The following MREG variants were observed in gnomAD, a reference collection of about 807,000 sequenced individuals.
MREG encodes the protein dilute suppressor protein homolog.
MREG carries 31 observed loss-of-function variants against 28.5 expected under a neutral mutation model. The ratio of observed to expected loss-of-function variants is 1.09; its 90% CI spans 0.82 to 1.47. The LOEUF (loss-of-function observed/expected upper bound fraction) is 1.47, where lower values mean the gene tolerates loss of function less well. MREG is among the 40% of genes most tolerant of loss of function. The pLI is 0.00. For synonymous variants in MREG, 106 were observed against 95.2 expected, an observed-to-expected ratio of 1.11 and a Z score of -0.66; for missense variants, 256 against 257.4, an observed-to-expected ratio of 0.99 and a Z score of 0.04.
chr2:216,028,735 A>G (rs540179806), intron 1 of MREG, among the ~76,000 whole-genome samples: 2 of 152,180 alleles, frequency 1.3e-5, no homozygotes, highest in South Asian at 2.1e-4. Flanking sequence ...TCGAATTTGT[A>G]TAGTGTTAAG....
intron 2 of MREG, among the ~76,000 whole-genome samples, chr2:215,953,402 G>A (rs1559174931): frequency 6.6e-6 from 1 of 152,202 alleles, no homozygotes; most frequent in Non-Finnish European, 1.5e-5. Context: ...AGAATCCCTT[G>A]AAGGGGTTCC....
chr2:215,981,377 C>G lies in MREG; in HGVS notation c.255+14929G>C, dbSNP rs182281957. Among the ~76,000 whole-genome samples the G allele has an allele frequency of 8.5e-5, 13 of 152,336 alleles. No individual in the cohort carries two copies. In the East Asian group the frequency reaches 2.3e-3, roughly 27 times the overall value. On this transcript the variant is annotated intron_variant, in intron 2 of 4. Transcript: ENST00000263268. Reference sequence around the variant, plus strand: ...CTGCAGTGTGAATGAACTTTGGAAACATTACGCTAAGTGAAGCAAGCTAGC... The same window carrying G: ...CTGCAGTGTGAATGAACTTTGGAAAGATTACGCTAAGTGAAGCAAGCTAGC...
At chr2:215,966,125 A>C (rs1692931228) in intron 2 of MREG, among the ~76,000 whole-genome samples, 1 of 152,194 alleles carries the variant, frequency 6.6e-6, no homozygotes, top group Non-Finnish European at 1.5e-5. Flanking sequence ...TAGTATTGTG[A>C]ATCAGAGGGA....
intron 3 of MREG, among the ~76,000 whole-genome samples, chr2:215,946,004 C>T (rs1259235439): frequency 6.6e-6 from 1 of 151,996 alleles, no homozygotes; most frequent in East Asian, 1.9e-4. Context: ...TGGTTGCTTG[C>T]CACCTTGTTT....
intron 2 of MREG, among the ~76,000 whole-genome samples, chr2:215,950,361 A>C (rs989674482): frequency 6.6e-6 from 1 of 152,326 alleles, no homozygotes; most frequent in African/African-American, 2.4e-5. Flanking sequence ...CTAAATATCT[A>C]CAATGAATGT....
intron 2 of MREG, among the ~76,000 whole-genome samples, chr2:215,990,131 A>G (rs1190411785): frequency 6.6e-5 from 10 of 152,238 alleles, no homozygotes; most frequent in Admixed American, 5.9e-4. Flanking sequence ...AAAAGATGTT[A>G]AGGGCAGCCA....
chr2:215,944,722 C>T lies in MREG; in HGVS notation c.*141G>A, dbSNP rs1374107894. 1.1e-6 allele frequency: 1 copy of T among 876,960 alleles called. No individual in the cohort carries two copies. The highest frequency in any genetic ancestry group is 1.7e-5 in the African/African-American group (1 of 60,020). 54.3% of individuals were successfully genotyped at this position (876,960 alleles called of 1,614,324 possible). ...TGGGGCAGGGTCCTCAGATTAAAGA[C>T]TTTACATTTATGTAGAATTCAGTAT... is the stretch of plus-strand genomic sequence containing the variant. On this transcript the variant is annotated 3_prime_UTR_variant, in exon 5 of 5. Transcript: ENST00000263268.
At chr2:215,971,096 C>G (rs573641387) in intron 2 of MREG, among the ~76,000 whole-genome samples, 2 of 151,964 alleles carry the variant, frequency 1.3e-5, no homozygotes, top group African/African-American at 2.4e-5. Flanking sequence ...TGAGAATACA[C>G]GAACATGGGG....
At chr2:216,031,671 GAA>G (rs746180419) in intron 1 of MREG, among the ~76,000 whole-genome samples, 2,375 of 78,844 alleles carry the variant, frequency 0.03, 73 homozygotes, top group African/African-American at 0.12. Flanking sequence ...AAGAAAGAAA[GAA>G]AGAAAGAAAG....
At chr2:215,980,900 CAGGGAAGGGCAGGGA>C (rs1157725677) in intron 2 of MREG, among the ~76,000 whole-genome samples, 5 of 134,166 alleles carry the variant, frequency 3.7e-5, no homozygotes, top group Admixed American at 2.3e-4. Context: ...CAGGGCAGGG[CAGGGAAGGGCAGGGA>C]AGGGAAGGGA....
chr2:215,980,865 G>GAGGGCAGGGCAGGGC (rs1247891694), intron 2 of MREG, among the ~76,000 whole-genome samples: 5 of 141,088 alleles, frequency 3.5e-5, no homozygotes, highest in South Asian at 2.5e-4. Flanking sequence ...GAGGGGAGGG[G>GAGGGCAGGGCAGGGC]AGGGCAGGGC....
At chr2:215,958,552 G>A (rs990038918) in intron 2 of MREG, among the ~76,000 whole-genome samples, 1 of 152,200 alleles carries the variant, frequency 6.6e-6, no homozygotes, top group African/African-American at 2.4e-5. Flanking sequence ...TGCCCTTAAT[G>A]AACTCCTTGA....
intron 1 of MREG, among the ~76,000 whole-genome samples, chr2:216,005,314 T>C (rs1217273721): frequency 6.6e-6 from 1 of 152,068 alleles, no homozygotes. Flanking sequence ...AAAACAAAAG[T>C]ACATCTTTAA....
intron 1 of MREG, among the ~76,000 whole-genome samples, chr2:216,019,375 G>A (rs910902316): frequency 3.9e-5 from 6 of 152,226 alleles, no homozygotes; most frequent in Middle Eastern, 3.4e-3. Flanking sequence ...ATTTAGTCAG[G>A]TGAGATTTTT....
chr2:216,015,158 T>TGC (rs1002309420), upstream of MREG, among the ~76,000 whole-genome samples: 5 of 67,388 alleles, frequency 7.4e-5, no homozygotes, highest in Non-Finnish European at 2.6e-5. Context: ...TGCGTACGTG[T>TGC]GCGCGCGCGC....
chr2:215,967,562 A>C (rs2105986412), intron 2 of MREG, among the ~76,000 whole-genome samples: 1 of 152,372 alleles, frequency 6.6e-6, no homozygotes, highest in South Asian at 2.1e-4. Flanking sequence ...ATCAGGGGGT[A>C]TAAGAAGTCT....
chr2:215,981,345 A>C (rs58065523), intron 2 of MREG, among the ~76,000 whole-genome samples: 12,103 of 152,238 alleles, frequency 0.08, 744 homozygotes, highest in East Asian at 0.29. Flanking sequence ...GGAAATGCTG[A>C]CGGCTGCTGC....
At chr2:215,946,435 A>G (rs1183566018) in intron 3 of MREG, among the ~76,000 whole-genome samples, 1 of 106,698 alleles carries the variant, frequency 9.4e-6, no homozygotes, top group Non-Finnish European at 1.9e-5. Context: ...TGATAAATTC[A>G]CTTTTTAAAC....
At chr2:216,012,829 CT>C (rs1694348813) in intron 1 of MREG, among the ~76,000 whole-genome samples, 1 of 152,100 alleles carries the variant, frequency 6.6e-6, no homozygotes, top group Non-Finnish European at 1.5e-5. Flanking sequence ...AAATAGACAA[CT>C]TTTTTGCTGA....
Sources: allele counts gnomAD v4.1 joint callset (sites outside exome capture counted in the v4.1 genomes callset), GRCh38; gene constraint gnomAD v4.1.1; transcripts MANE v1.5; gene names NCBI Gene and HGNC (gene_info 2026-07-23, HGNC 2026-07-21).